The following EPN1 variants were observed in gnomAD, a reference collection of about 807,000 sequenced individuals.
EPN1 encodes epsin 1, also known as epsin-1.
EPN1 carries 25 observed loss-of-function variants against 56.9 expected under a neutral mutation model. The ratio of observed to expected loss-of-function variants is 0.44; its 90% CI spans 0.32 to 0.61. The LOEUF (loss-of-function observed/expected upper bound fraction) is 0.61. Among genes scored for constraint, EPN1 ranks in the 20% least tolerant of loss-of-function variants. The pLI, the probability that EPN1 is intolerant of heterozygous loss-of-function variation, is 0.05. For synonymous variants in EPN1, 411 were observed against 361.8 expected, an observed-to-expected ratio of 1.14 and a Z score of -1.54; for missense variants, 785 against 823.7, an observed-to-expected ratio of 0.95 and a Z score of 0.58.
chr19:55,709,207 G>T lies in EPN1; in HGVS notation c.*13851G>T. 1 of 479,286 alleles carries T rather than the reference G, an allele frequency of 2.1e-6. No individual in the cohort carries two copies. The highest frequency in any genetic ancestry group is 3.6e-6 in the Non-Finnish European group (1 of 280,476). The allele number at this position is 479,286 out of a possible 1,614,324, so 29.7% of individuals were successfully genotyped here. On this transcript the variant is annotated 3_prime_UTR_variant, in exon 11 of 11. Coordinates refer to ENST00000270460, the MANE Select transcript of EPN1 (RefSeq NM_001130072.2). ...AAACAAGCATGAATCTTTCCTATAGGATAGGAAGCCTCTGATTTATACCAT... is the reference window on the plus strand; with the variant it reads ...AAACAAGCATGAATCTTTCCTATAGTATAGGAAGCCTCTGATTTATACCAT...
In EPN1 at chr19:55,702,041, A is replaced by T. The variant is rs961201763; in HGVS notation, c.*6685A>T. On this transcript the variant is annotated 3_prime_UTR_variant, in exon 11 of 11. Coordinates refer to ENST00000270460, the MANE Select transcript of EPN1 (RefSeq NM_001130072.2). ...CAGTGGTGTCATCTTGGCTCACTGC[A>T]ACCTCCGCCTCCCAGGTTCAAGCAA... 7.8e-5 allele frequency: 11 copies of T among 141,436 alleles called. No individual in the cohort carries two copies. The highest frequency in any genetic ancestry group is 2.7e-4 in the African/African-American group (10 of 36,546). The allele number at this position is 141,436 out of a possible 1,614,324, so 8.8% of individuals were successfully genotyped here.
At chr19:55,681,596 T>C (rs748561641) in intron 2 of EPN1, among the ~76,000 whole-genome samples, 74 of 152,218 alleles carry the variant, frequency 4.9e-4, no homozygotes, top group Non-Finnish European at 9.8e-4. Flanking sequence ...ACAGAGAGTA[T>C]ATGGCCTGAA....
chr19:55,690,619 A>T (rs1176004593), intron 6 of EPN1, among the ~76,000 whole-genome samples: 1 of 152,096 alleles, frequency 6.6e-6, no homozygotes, highest in Non-Finnish European at 1.5e-5. Context: ...GTCTGTCCTG[A>T]GTGTCCTCAT....
At position 55,694,830 on chromosome 19, in the gene EPN1, C is replaced by T; in HGVS notation, c.1369C>T (p.Pro457Ser). 6.2e-7 allele frequency: 1 copy of T among 1,609,852 alleles called. No homozygotes were observed. Among genetic ancestry groups the T allele is most frequent in the African/African-American group, 1.3e-5 (1 of 74,976 alleles). Reference protein sequence around the residue: ...SLAEAVGSPPPAATPTPTPPT... With the variant: ...SLAEAVGSPPSAATPTPTPPT... ...GGCTGAGGCTGTGGGCAGCCCCCCA[C>T]CTGCAGCCACACCAACTCCCACGCC... is the stretch of plus-strand genomic sequence containing the variant. Residue 457 changes from proline to serine, a missense_variant, in exon 10 of 11, where the codon CCT (proline) becomes TCT (serine). Pro to Ser is a moderately conservative substitution (Grantham distance 74). Transcript: ENST00000270460. The surrounding 1 kb of genome is among the most constrained non-coding windows in gnomAD (Gnocchi z 4.2).
Position 55,678,842 on chromosome 19 carries a change from G to A in EPN1, c.215G>A (p.Arg72His), listed in dbSNP as rs1231242314. 2 of 1,610,300 alleles carry A rather than the reference G, an allele frequency of 1.2e-6. No individual in the cohort carries two copies. Among genetic ancestry groups the A allele is most frequent in the Non-Finnish European group, 1.7e-6 (2 of 1,177,328 alleles). The change falls in exon 2 of 11, where the codon CGT (arginine) becomes CAT (histidine). Residue 72 changes from arginine (R) to histidine (H), a missense_variant. Arg to His is a conservative substitution (Grantham distance 29). This residue lies in a region of EPN1 where 135 missense variants were observed against 218.7 expected (regional missense o/e 0.62). Coordinates refer to ENST00000270460, the MANE Select transcript of EPN1 (RefSeq NM_001130072.2). ...KRLNDHGKNW[R>H]HVYKAMTLME... ...CTCAATGACCATGGCAAGAACTGGC[G>A]TCACGTTTACAAGGTCAGCATCCTG... is the stretch of plus-strand genomic sequence containing the variant.
chr19:55,690,509 T>G (rs765528005), intron 6 of EPN1, among the ~76,000 whole-genome samples: 3 of 152,318 alleles, frequency 2.0e-5, no homozygotes, highest in Middle Eastern at 3.4e-3. Flanking sequence ...GCTGGCTGGT[T>G]GTTTCGTGTC....
At chr19:55,677,013 A>G in intron 1 of EPN1, 1 of 1,155,536 alleles carries the variant, frequency 8.7e-7, no homozygotes, top group Non-Finnish European at 1.2e-6. Flanking sequence ...GACTCCAGAG[A>G]GTTACTTTTT....
In EPN1 at chr19:55,707,408, G is replaced by T. The variant is rs1987478424; in HGVS notation, c.*12052G>T. ...CAAAAACCAGTCAAATGTGAAACTG[G>T]TGTCAGGGGTATGTTCTCCATGTTG... On this transcript the variant is annotated 3_prime_UTR_variant, in exon 11 of 11. Coordinates refer to ENST00000270460, the MANE Select transcript of EPN1 (RefSeq NM_001130072.2). 6.6e-6 allele frequency: 1 copy of T among 152,434 alleles called. No homozygotes were observed. The highest frequency in any genetic ancestry group is 6.5e-5 in the Admixed American group (1 of 15,294). 9.4% of individuals were successfully genotyped at this position (152,434 alleles called of 1,614,324 possible).
In EPN1 at chr19:55,695,047, C is replaced by T. The variant is rs1234821239; in HGVS notation, c.1522+64C>T. On this transcript the variant is annotated intron_variant, in intron 10 of 10. Coordinates refer to ENST00000270460, the MANE Select transcript of EPN1 (RefSeq NM_001130072.2). The surrounding 1 kb of genome is among the most constrained non-coding windows in gnomAD (Gnocchi z 4.4). ...GGGTTCCACCAGAGGAGGTGCCTCA[C>T]GGGGCAGGGACACTTCGCCCTTTGC... 119 of 1,581,314 alleles carry T rather than the reference C, an allele frequency of 7.5e-5. No homozygotes were observed. Among genetic ancestry groups the T allele is most frequent in the Middle Eastern group, 3.3e-4 (2 of 6,018 alleles).
Position 55,697,543 on chromosome 19 carries a change from T to G in EPN1, c.*2187T>G, listed in dbSNP as rs977191018. ...TAATTCTCCCCACCATTTCCTCATTTGGCAAAACAGAGAAGACAGGATTGA... is the reference window on the plus strand; with the variant it reads ...TAATTCTCCCCACCATTTCCTCATTGGGCAAAACAGAGAAGACAGGATTGA... On this transcript the variant is annotated 3_prime_UTR_variant, in exon 11 of 11. Coordinates refer to ENST00000270460, the MANE Select transcript of EPN1 (RefSeq NM_001130072.2). 5 of 152,226 alleles carry G rather than the reference T, an allele frequency of 3.3e-5. No homozygotes were observed. Among genetic ancestry groups the G allele is most frequent in the African/African-American group, 4.8e-5 (2 of 41,436 alleles). 9.4% of individuals were successfully genotyped at this position (152,226 alleles called of 1,614,324 possible). A position where few individuals can be genotyped will look rare whatever the true frequency, so the allele number is the denominator to read the frequency against.
At chr19:55,693,199 T>G (rs1986694217) in intron 9 of EPN1, 162 bp downstream of exon 9, 1 of 560,192 alleles carries the variant, frequency 1.8e-6, no homozygotes, top group African/African-American at 1.9e-5. Context: ...CCACCTGTCT[T>G]TAAAAGAAGT....
In EPN1 at chr19:55,695,168, TC is replaced by T. The variant is rs1986839014; in HGVS notation, c.1545del (p.Val516SerfsTer15). On this transcript the variant is annotated frameshift_variant, in exon 11 of 11. Transcript: ENST00000270460. LOFTEE classifies it high-confidence loss of function. This position sits in a 1 kb window ranked among gnomAD's most constrained non-coding sequence, Gnocchi z 4.4. ...LPGGGPATGP[S>X]VTNPFQPAPP... ...TGCAGGAGGCCCAGCCACTGGCCCT[TC>T]CGTCACCAACCCCTTCCAGCCCGCG... 1 of 1,613,760 alleles carries T rather than the reference TC, an allele frequency of 6.2e-7. No homozygotes were observed. Among genetic ancestry groups the T allele is most frequent in the Non-Finnish European group, 8.5e-7 (1 of 1,179,832 alleles).
intron 6 of EPN1, among the ~76,000 whole-genome samples, chr19:55,690,444 C>G (rs1986466040): frequency 6.6e-6 from 1 of 152,254 alleles, no homozygotes; most frequent in South Asian, 2.1e-4. Context: ...GTAGCAAACC[C>G]TCCCACAACC....
In EPN1 at chr19:55,706,885, T is replaced by C. The variant is rs1987449966; in HGVS notation, c.*11529T>C. 1 of 151,414 alleles carries C rather than the reference T, an allele frequency of 6.6e-6. No homozygotes were observed. The highest frequency in any genetic ancestry group is 2.1e-4 in the South Asian group (1 of 4,776). 9.4% of individuals were successfully genotyped at this position (151,414 alleles called of 1,614,324 possible). On this transcript the variant is annotated 3_prime_UTR_variant, in exon 11 of 11. Coordinates refer to ENST00000270460, the MANE Select transcript of EPN1 (RefSeq NM_001130072.2). ...GAGACCCCGTCTATACTAAAAAATA[T>C]TTAAATGGGCTGAGCGCGGTGGCTC... is the stretch of plus-strand genomic sequence containing the variant.
chr19:55,693,251 CTG>C (rs566742175), intron 9 of EPN1: 143 of 556,068 alleles, frequency 2.6e-4, no homozygotes, highest in African/African-American at 2.1e-3. Context: ...TAGAGAAAAA[CTG>C]AGAATTGTTC....
chr19:55,677,635 A>G, intron 1 of EPN1: 2 of 1,551,602 alleles, frequency 1.3e-6, no homozygotes, highest in Non-Finnish European at 8.7e-7. Context: ...GGACCCAGGC[A>G]GTGGGGCTGT....
rs1409444659 is a variant in EPN1, at chr19:55,691,819, G to T, written c.828G>T (p.Trp276Cys). The change falls in exon 7 of 11, where the codon TGG (tryptophan) becomes TGT (cysteine). Residue 276 changes from tryptophan (W) to cysteine (C), a missense_variant. Around this residue, in one of 2 missense-constraint regions of EPN1, gnomAD observed 650 missense variants for 605.0 expected, o/e 1.07. Transcript: ENST00000270460. The surrounding 1 kb of genome is among the most constrained non-coding windows in gnomAD (Gnocchi z 5.6). ...CTCCTGCCCCGACCACAGACCCCTG[G>T]GGGGGCCCAGCACCCATGGCTGCTG... Reference protein sequence around the residue: ...APAPAPTTDPWGGPAPMAAAV... With the variant: ...APAPAPTTDPCGGPAPMAAAV... The T allele has an allele frequency of 6.2e-7, 1 of 1,610,544 alleles. No individual in the cohort carries two copies. Among genetic ancestry groups the T allele is most frequent in the Admixed American group, 1.7e-5 (1 of 59,786 alleles).
Position 55,694,919 on chromosome 19 carries a change from G to C in EPN1, c.1458G>C (p.Ser486=), listed in dbSNP as rs771567340. The change falls in exon 10 of 11, where the codon TCG becomes TCC. Residue 486 remains serine, a synonymous_variant. Coordinates refer to ENST00000270460, the MANE Select transcript of EPN1 (RefSeq NM_001130072.2). The surrounding 1 kb of genome is among the most constrained non-coding windows in gnomAD (Gnocchi z 4.2). ...GPNAALVDLD[S]LVSRPGPTPP... is the part of the protein sequence containing the mutation. ...ATGCAGCCCTCGTCGACCTGGACTC[G>C]CTGGTGAGCCGGCCGGGCCCCACGC... The C allele has an allele frequency of 6.3e-7, 1 of 1,575,882 alleles. No homozygotes were observed. Among genetic ancestry groups the C allele is most frequent in the Non-Finnish European group, 8.6e-7 (1 of 1,161,290 alleles).
Position 55,708,873 on chromosome 19 carries a change from G to A in EPN1, c.*13517G>A. 6.8e-7 allele frequency: 1 copy of A among 1,473,428 alleles called. No individual in the cohort carries two copies. The highest frequency in any genetic ancestry group is 9.0e-7 in the Non-Finnish European group (1 of 1,110,090). The allele number at this position is 1,473,428 out of a possible 1,614,324, so 91.3% of individuals were successfully genotyped here. A position where few individuals can be genotyped will look rare whatever the true frequency, so the allele number is the denominator to read the frequency against. ...AGGTGAAGGTCCCACTGTGGCCAAG[G>A]AAAGCCTTTGTGAGACGACTACTTC... On this transcript the variant is annotated 3_prime_UTR_variant, in exon 11 of 11. Transcript: ENST00000270460.
Sources: allele counts gnomAD v4.1 joint callset (sites outside exome capture counted in the v4.1 genomes callset), GRCh38; gene constraint gnomAD v4.1.1; regional missense constraint gnomAD v4.1.1; non-coding constraint Gnocchi (gnomAD v3.1); transcripts MANE v1.5; gene names NCBI Gene and HGNC (gene_info 2026-07-23, HGNC 2026-07-21).